The following FGF13 variants were observed in gnomAD, a reference collection of about 807,000 sequenced individuals.
The protein encoded by FGF13 is fibroblast growth factor homologous factor 2.
A neutral mutation model predicts 19.5 loss-of-function variants in FGF13; 2 were observed. That is an observed-to-expected ratio of 0.10 (90% CI 0.04 to 0.32). The LOEUF is 0.32. Among genes scored for constraint, FGF13 ranks in the 10% least tolerant of loss-of-function variants. The probability of loss-of-function intolerance (pLI) is 1.00; values close to 1 mark genes in which losing one functional copy is unlikely to be tolerated. For synonymous variants in FGF13, 72 were observed against 76.9 expected (o/e 0.94, Z 0.33); for missense variants, 113 against 192.7 (o/e 0.59, Z 2.45).
At chrX:138,671,836 A>T (rs1278615714) in intron 3 of FGF13, among the ~76,000 whole-genome samples, 4 of 110,856 alleles carry the variant, frequency 3.6e-5, no homozygotes, top group Non-Finnish European at 5.7e-5. Context: ...AAATGGATAT[A>T]TAAATAATAG....
chrX:139,147,862 G>GT (rs34718422), intron 1 of FGF13, among the ~76,000 whole-genome samples: 5,422 of 101,001 alleles, frequency 0.054, 312 homozygotes, highest in African/African-American at 0.18. Context: ...GTAACTCTGG[G>GT]TTTTTTTTTT....
chrX:139,109,732 G>C (rs1454938900), intron 1 of FGF13, among the ~76,000 whole-genome samples: 1 of 111,709 alleles, frequency 9.0e-6, no homozygotes, highest in Non-Finnish European at 1.9e-5. Flanking sequence ...TAAATGCTTA[G>C]AACAGAGCCT....
intron 1 of FGF13, among the ~76,000 whole-genome samples, chrX:139,061,440 T>C (rs1375928705): frequency 6.3e-5 from 7 of 110,885 alleles, no homozygotes; most frequent in Non-Finnish European, 1.3e-4. Flanking sequence ...AATGCTGTTA[T>C]AAAGCGAGGT....
At chrX:138,698,482 G>A (rs2124225322) in intron 3 of FGF13, among the ~76,000 whole-genome samples, 1 of 111,585 alleles carries the variant, frequency 9.0e-6, no homozygotes, top group East Asian at 2.8e-4. Flanking sequence ...AAAAACATTG[G>A]TATCAGGAAT....
At chrX:139,147,000 G>A (rs1204656913) in intron 1 of FGF13, among the ~76,000 whole-genome samples, 8 of 109,280 alleles carry the variant, frequency 7.3e-5, no homozygotes, top group African/African-American at 2.7e-4. Context: ...GATAGCATTA[G>A]GAGATATACC....
intron 3 of FGF13, among the ~76,000 whole-genome samples, chrX:138,779,883 T>C (rs2090624056): frequency 9.6e-6 from 1 of 103,669 alleles, no homozygotes; most frequent in African/African-American, 3.6e-5. Context: ...AAAGTTGAAA[T>C]GAAGGAAAAA....
At chrX:138,922,645 T>G (rs2091652833) in intron 1 of FGF13, among the ~76,000 whole-genome samples, 1 of 112,128 alleles carries the variant, frequency 8.9e-6, no homozygotes, top group Non-Finnish European at 1.9e-5. Flanking sequence ...ATATTTCCAG[T>G]TGACTTCATA....
At chrX:138,802,324 C>G (rs1045401573) in intron 3 of FGF13, among the ~76,000 whole-genome samples, 1 of 111,019 alleles carries the variant, frequency 9.0e-6, no homozygotes, top group Non-Finnish European at 1.9e-5. Context: ...CAGTCCCTCA[C>G]GGCTTCCCTT....
In FGF13 at chrX:138,623,111, T is replaced by A. The variant is rs189972207; in HGVS notation, c.*9739A>T. ...CAACTGATTTTTATGTTGATTTTTT[T>A]ATCAACATTGGTGAATTCTACCCAA... On this transcript the variant is annotated 3_prime_UTR_variant, in exon 5 of 5. Coordinates refer to ENST00000315930, the MANE Select transcript of FGF13 (RefSeq NM_004114.5). 7.1e-4 allele frequency: 79 copies of A among 112,023 alleles called. 1 individual carries two copies. The highest frequency in any genetic ancestry group is 2.6e-3 in the African/African-American group (79 of 30,841). The allele number at this position is 112,023 out of a possible 1,213,427, so 9.2% of individuals were successfully genotyped here.
chrX:138,638,649 T>C (rs1569351350), intron 3 of FGF13, among the ~76,000 whole-genome samples: 1 of 111,977 alleles, frequency 8.9e-6, no homozygotes, highest in Non-Finnish European at 1.9e-5. Flanking sequence ...ATTGTTTATG[T>C]GATTTGAATT....
At chrX:138,681,508 C>G (rs936586397) in intron 3 of FGF13, among the ~76,000 whole-genome samples, 11 of 112,867 alleles carry the variant, frequency 9.7e-5, no homozygotes, top group African/African-American at 3.5e-4. Context: ...CCATATCAGC[C>G]GTAAGGCTAT....
intron 1 of FGF13, among the ~76,000 whole-genome samples, chrX:139,000,966 G>T (rs2092070337): frequency 8.9e-6 from 1 of 111,745 alleles, no homozygotes; most frequent in Non-Finnish European, 1.9e-5. Context: ...AAAACAGCAT[G>T]GTACTGGTAC....
chrX:138,895,075 C>A (rs926853401), intron 1 of FGF13, among the ~76,000 whole-genome samples: 19 of 111,917 alleles, frequency 1.7e-4, no homozygotes, highest in Non-Finnish European at 2.8e-4. Context: ...ATGTGAAACA[C>A]CTGATTTGGC....
At chrX:138,805,957 C>G (rs1029524454) in intron 3 of FGF13, among the ~76,000 whole-genome samples, 4 of 111,659 alleles carry the variant, frequency 3.6e-5, no homozygotes, top group African/African-American at 9.7e-5. Flanking sequence ...ACCCTTGCAT[C>G]TAGTTCGTCT....
intron 3 of FGF13, among the ~76,000 whole-genome samples, chrX:138,778,720 G>C (rs1362867577): frequency 8.9e-6 from 1 of 112,374 alleles, no homozygotes; most frequent in East Asian, 2.8e-4. Flanking sequence ...CAAACAGCAA[G>C]GCGGCAGCCA....
chrX:138,870,733 G>A (rs113831839), intron 1 of FGF13, among the ~76,000 whole-genome samples: 11,698 of 112,322 alleles, frequency 0.1, 1,465 homozygotes, highest in African/African-American at 0.36. Flanking sequence ...GAAGAGGCAG[G>A]AGGGATCAAA....
chrX:138,765,327 G>A (rs1281627254), intron 3 of FGF13, among the ~76,000 whole-genome samples: 6 of 111,514 alleles, frequency 5.4e-5, no homozygotes, highest in Admixed American at 3.8e-4. Flanking sequence ...TATTAGGCAC[G>A]GCTTCTCTTT....
chrX:138,633,329 C>G (rs1006072537), intron 4 of FGF13, among the ~76,000 whole-genome samples: 10 of 111,480 alleles, frequency 9.0e-5, no homozygotes, highest in Non-Finnish European at 1.7e-4. Context: ...ATGAAAAACA[C>G]TGCTTTCAAG....
intron 1 of FGF13, among the ~76,000 whole-genome samples, chrX:139,049,837 T>C (rs758804269): frequency 7.1e-4 from 80 of 112,667 alleles, no homozygotes; most frequent in African/African-American, 2.5e-3. Flanking sequence ...AGGAGAACAA[T>C]GTAGGCTACC....
Sources: allele counts gnomAD v4.1 joint callset (sites outside exome capture counted in the v4.1 genomes callset), GRCh38; gene constraint gnomAD v4.1.1; transcripts MANE v1.5; gene names NCBI Gene and HGNC (gene_info 2026-07-23, HGNC 2026-07-21).